LEMD1: variants seen among roughly 807,000 people sequenced by gnomAD.
LEMD1 encodes the protein LEM domain containing 1.
Under a neutral mutation model 17.4 loss-of-function variants are expected in LEMD1, and 18 were observed. The observed-to-expected ratio is 1.04, with a 90% CI of 0.72 to 1.54. LEMD1 has a LOEUF of 1.54. Ranked by LOEUF, LEMD1 falls within the 40% of genes most tolerant of loss-of-function variation. The pLI, the probability that LEMD1 is intolerant of heterozygous loss-of-function variation, is 0.00. For missense variants in LEMD1, 195 were observed against 210.4 expected (o/e 0.93, Z 0.45); for synonymous variants, 88 against 77.8 (o/e 1.13, Z -0.69).
chr1:205,398,614 A>G (rs1664696134), intron 4 of LEMD1, among the ~76,000 whole-genome samples: 1 of 152,214 alleles, frequency 6.6e-6, no homozygotes, highest in African/African-American at 2.4e-5. Flanking sequence ...GAAAAGAGGC[A>G]GAAGGGACAT....
chr1:205,428,032 C>A (rs2102451480), intron 1 of LEMD1, among the ~76,000 whole-genome samples: 1 of 152,362 alleles, frequency 6.6e-6, no homozygotes, highest in African/African-American at 2.4e-5. Flanking sequence ...GGCTGGAAGA[C>A]TGGCAGAGGG....
intron 4 of LEMD1, chr1:205,386,862 G>C (rs2102341032): frequency 6.6e-6 from 1 of 152,272 alleles, no homozygotes; most frequent in South Asian, 2.1e-4. Flanking sequence ...GATATTTCAA[G>C]CTATTTCCAA....
At chr1:205,444,566 G>A (rs1666351608) in intron 1 of LEMD1, among the ~76,000 whole-genome samples, 1 of 152,130 alleles carries the variant, frequency 6.6e-6, no homozygotes, top group Admixed American at 6.5e-5. Context: ...ATGGGGCAGT[G>A]AGTCAGAGAC....
intron 4 of LEMD1, among the ~76,000 whole-genome samples, chr1:205,409,298 T>G (rs868679795): frequency 6.6e-6 from 1 of 152,230 alleles, no homozygotes. Flanking sequence ...TACTAAACAT[T>G]CATTTTCCAT....
intron 1 of LEMD1, among the ~76,000 whole-genome samples, chr1:205,427,770 G>A (rs1666076522): frequency 6.6e-6 from 1 of 152,184 alleles, no homozygotes; most frequent in African/African-American, 2.4e-5. Context: ...GTAGTAGCAT[G>A]AAATGGAGAA....
intron 1 of LEMD1, chr1:205,435,001 T>C (rs2102457116): frequency 6.6e-6 from 1 of 152,308 alleles, no homozygotes; most frequent in South Asian, 2.1e-4. Context: ...ACCATGCAAC[T>C]TGAGCCAAAA....
intron 1 of LEMD1, among the ~76,000 whole-genome samples, chr1:205,445,876 A>T (rs1272857846): frequency 6.6e-6 from 1 of 152,134 alleles, no homozygotes; most frequent in Non-Finnish European, 1.5e-5. Context: ...TTTTTTCCCC[A>T]ATAGTCTTTA....
At position 205,417,678 on chromosome 1, in the gene LEMD1, C is replaced by T. The variant is rs553309435; in HGVS notation, c.206-1382G>A. Reference sequence around the variant, plus strand: ...TGCCATCCTTTTCAAGTGAGGCCAGCGGTGCAAAACCCCTGGGGAAAGCTT... The same window carrying T: ...TGCCATCCTTTTCAAGTGAGGCCAGTGGTGCAAAACCCCTGGGGAAAGCTT... On this transcript the variant is annotated intron_variant, in intron 3 of 5. Transcript: ENST00000367153. Among the ~76,000 whole-genome samples the T allele has an allele frequency of 5.3e-5, 8 of 152,046 alleles. No individual in the cohort carries two copies. In the South Asian group the frequency reaches 6.3e-4, roughly 12 times the overall value.
intron 4 of LEMD1, among the ~76,000 whole-genome samples, chr1:205,398,145 C>G (rs907945142): frequency 6.6e-6 from 1 of 152,160 alleles, no homozygotes; most frequent in Non-Finnish European, 1.5e-5. Context: ...CCTTAGCACA[C>G]GTCAAAGGTA....
chr1:205,417,973 A>T (rs1251247437), intron 3 of LEMD1, among the ~76,000 whole-genome samples: 5 of 152,044 alleles, frequency 3.3e-5, no homozygotes, highest in African/African-American at 4.8e-5. Context: ...TTCATCCAAC[A>T]AACATACACC....
intron 4 of LEMD1, among the ~76,000 whole-genome samples, chr1:205,401,246 G>A (rs1430208082): frequency 2.0e-5 from 3 of 152,124 alleles, no homozygotes; most frequent in South Asian, 4.1e-4. Context: ...GGTATTTCTA[G>A]TCCTAGATCC....
At chr1:205,389,037 CTTTTTTT>C (rs61341380) in intron 4 of LEMD1, among the ~76,000 whole-genome samples, 8 of 77,850 alleles carry the variant, frequency 1.0e-4, no homozygotes, top group South Asian at 6.8e-4. Flanking sequence ...CATTTGCTTT[CTTTTTTT>C]TTTTTTTTTT....
chr1:205,393,537 A>G (rs551999447), intron 4 of LEMD1, among the ~76,000 whole-genome samples: 2 of 152,082 alleles, frequency 1.3e-5, no homozygotes, highest in East Asian at 1.9e-4. Flanking sequence ...TTAGCCAGGC[A>G]TGGTGGCAGG....
At chr1:205,439,266 G>A (rs1666255586) in intron 1 of LEMD1, among the ~76,000 whole-genome samples, 1 of 152,196 alleles carries the variant, frequency 6.6e-6, no homozygotes, top group Admixed American at 6.5e-5. Context: ...TTCCCTTGAG[G>A]GAAGGACTTC....
intron 4 of LEMD1, among the ~76,000 whole-genome samples, chr1:205,393,335 A>G (rs1171814811): frequency 6.6e-6 from 1 of 151,766 alleles, no homozygotes; most frequent in Non-Finnish European, 1.5e-5. Context: ...ATGCAAATAA[A>G]AACTACAATG....
At chr1:205,406,125 C>T (rs1259715087) in intron 4 of LEMD1, among the ~76,000 whole-genome samples, 1 of 152,244 alleles carries the variant, frequency 6.6e-6, no homozygotes, top group Non-Finnish European at 1.5e-5. Context: ...TGGGGGGTGC[C>T]TCCCAGTTAG....
chr1:205,398,027 AT>A (rs1321547802), intron 4 of LEMD1, among the ~76,000 whole-genome samples: 1 of 152,226 alleles, frequency 6.6e-6, no homozygotes. Flanking sequence ...AGAAATCAAC[AT>A]TTCATCAATA....
intron 4 of LEMD1, among the ~76,000 whole-genome samples, chr1:205,413,230 T>C (rs1665532325): frequency 6.6e-6 from 1 of 152,236 alleles, no homozygotes; most frequent in South Asian, 2.1e-4. Flanking sequence ...TCCTACTATG[T>C]GCAAGACCCT....
intron 1 of LEMD1, among the ~76,000 whole-genome samples, chr1:205,434,212 A>G (rs1666169048): frequency 2.0e-5 from 3 of 151,128 alleles, no homozygotes; most frequent in Non-Finnish European, 4.4e-5. Context: ...CTCTTTTGAG[A>G]CAGGGTCTTG....
Sources: gnomAD v4.1 joint callset for allele counts (sites outside exome capture counted in the v4.1 genomes callset) on GRCh38, gnomAD v4.1.1 for gene constraint, MANE v1.5 for transcripts, NCBI Gene and HGNC (gene_info 2026-07-23, HGNC 2026-07-21) for gene names.